Variants in FLACC1 observed in about 807,000 individuals in gnomAD.
FLACC1 encodes the protein flagellum-associated coiled-coil domain-containing protein 1.
In FLACC1, 66 loss-of-function variants were observed where a neutral mutation model predicts 62.8. The observed-to-expected ratio is 1.05, with a 90% confidence interval of 0.86 to 1.29. The LOEUF is 1.29. Among genes scored for constraint, FLACC1 ranks in the 50% most tolerant of loss-of-function variants. The pLI, the probability that FLACC1 is intolerant of heterozygous loss-of-function variation, is 0.00. For synonymous variants in FLACC1, 156 were observed against 161.0 expected, an observed-to-expected ratio of 0.97 and a Z score of 0.24; for missense variants, 452 against 489.1, an observed-to-expected ratio of 0.92 and a Z score of 0.71.
chr2:201,314,570 G>C (rs1950276453), intron 9 of FLACC1, among the ~76,000 whole-genome samples: 1 of 152,174 alleles, frequency 6.6e-6, no homozygotes, highest in African/African-American at 2.4e-5. Context: ...AATAATTGGT[G>C]TTCCTGAGGA....
At chr2:201,314,659 A>G (rs1950277679) in intron 9 of FLACC1, among the ~76,000 whole-genome samples, 1 of 152,162 alleles carries the variant, frequency 6.6e-6, no homozygotes, top group South Asian at 2.1e-4. Flanking sequence ...AGAGACCTAG[A>G]TATCCAAATA....
intron 9 of FLACC1, among the ~76,000 whole-genome samples, chr2:201,328,030 T>C (rs1182381453): frequency 3.3e-5 from 5 of 152,160 alleles, no homozygotes; most frequent in Admixed American, 1.3e-4. Context: ...CTGGAGGCCA[T>C]TATTCTAAAC....
At chr2:201,303,714 C>T (rs1054616384) in intron 11 of FLACC1, among the ~76,000 whole-genome samples, 7 of 152,192 alleles carry the variant, frequency 4.6e-5, no homozygotes, top group African/African-American at 1.7e-4. Flanking sequence ...AGGATCACAT[C>T]AAAGAGCTTA....
At chr2:201,342,483 C>G in intron 6 of FLACC1, 52 bp from the exon 7 acceptor site, 1 of 1,568,824 alleles carries the variant, frequency 6.4e-7, no homozygotes, top group South Asian at 1.1e-5. Context: ...CTGTCCCATT[C>G]TGATCTGCAC....
chr2:201,321,800 T>A (rs913562596), intron 9 of FLACC1, among the ~76,000 whole-genome samples: 1 of 152,080 alleles, frequency 6.6e-6, no homozygotes, highest in Admixed American at 6.6e-5. Context: ...CTCCAACCCT[T>A]ACCCCAGGTA....
chr2:201,291,401 T>C (rs1027246336), intron 12 of FLACC1, among the ~76,000 whole-genome samples: 1 of 152,234 alleles, frequency 6.6e-6, no homozygotes, highest in Non-Finnish European at 1.5e-5. Context: ...CCGCTGCTGA[T>C]ACCCAGGCAA....
At chr2:201,329,943 G>A (rs755550964) in intron 9 of FLACC1, among the ~76,000 whole-genome samples, 13 of 152,106 alleles carry the variant, frequency 8.5e-5, no homozygotes, top group Non-Finnish European at 1.2e-4. Flanking sequence ...ATTCAAAGTG[G>A]TATTATCTGT....
chr2:201,359,656 G>A (rs547161535), upstream of FLACC1, among the ~76,000 whole-genome samples: 12 of 152,250 alleles, frequency 7.9e-5, no homozygotes, highest in East Asian at 2.1e-3. Context: ...CAAAGATTCA[G>A]CAATGTCCTT....
upstream of FLACC1, among the ~76,000 whole-genome samples, chr2:201,358,544 G>A (rs1951153105): frequency 6.7e-6 from 1 of 149,858 alleles, no homozygotes; most frequent in Non-Finnish European, 1.5e-5. Context: ...AGCCTCCCAA[G>A]TAGCTGGGAC....
At chr2:201,309,273 T>C (rs755731798) in intron 9 of FLACC1, 23 bp from the exon 10 acceptor site, 4 of 1,572,294 alleles carry the variant, frequency 2.5e-6, no homozygotes, top group South Asian at 1.1e-5. Flanking sequence ...AAAGGCACCA[T>C]GAAGAAAAGA....
intron 1 of FLACC1, among the ~76,000 whole-genome samples, chr2:201,354,596 G>A (rs12612147): frequency 0.061 from 9,229 of 152,210 alleles, 584 homozygotes; most frequent in East Asian, 0.25. Flanking sequence ...CAGAGAAGCA[G>A]ATGGGATCGA....
intron 7 of FLACC1, among the ~76,000 whole-genome samples, chr2:201,335,600 TA>T (rs1471804876): frequency 2.0e-5 from 3 of 152,198 alleles, no homozygotes; most frequent in Non-Finnish European, 2.9e-5. Context: ...TAGTATCATT[TA>T]AAATCACGTG....
chr2:201,330,595 C>T, intron 8 of FLACC1, 73 bp from the exon 9 acceptor site: 1 of 1,551,108 alleles, frequency 6.4e-7, no homozygotes, highest in Non-Finnish European at 8.9e-7. Flanking sequence ...AATGTGAGTT[C>T]TTCTGCACAC....
intron 7 of FLACC1, among the ~76,000 whole-genome samples, chr2:201,340,832 G>T (rs928280696): frequency 5.3e-5 from 8 of 152,112 alleles, no homozygotes; most frequent in African/African-American, 1.9e-4. Flanking sequence ...TTTTGTTTGG[G>T]AAAGTTTCTA....
chr2:201,329,709 C>T (rs898112423), intron 9 of FLACC1, among the ~76,000 whole-genome samples: 5 of 152,132 alleles, frequency 3.3e-5, no homozygotes, highest in African/African-American at 7.2e-5. Context: ...CCAAGTGCCA[C>T]GTGTTCTTGT....
intron 12 of FLACC1, among the ~76,000 whole-genome samples, chr2:201,291,358 T>A (rs1040565972): frequency 6.6e-6 from 1 of 152,218 alleles, no homozygotes; most frequent in African/African-American, 2.4e-5. Context: ...CAGCAACATT[T>A]GCTGTTCACC....
intron 5 of FLACC1, among the ~76,000 whole-genome samples, 155 bp from the exon 6 acceptor site, chr2:201,344,418 G>A (rs1427413999): frequency 1.3e-5 from 2 of 152,126 alleles, no homozygotes; most frequent in Non-Finnish European, 2.9e-5. Context: ...GGGGGTGGAG[G>A]GATAGGGGTG....
intron 4 of FLACC1, among the ~76,000 whole-genome samples, chr2:201,347,262 C>T (rs1384402990): frequency 6.6e-6 from 1 of 152,238 alleles, no homozygotes; most frequent in East Asian, 1.9e-4. Context: ...GGCTGGGGCT[C>T]TGAGAGCTGC....
At chr2:201,349,732 A>C (rs965689669) in intron 3 of FLACC1, among the ~76,000 whole-genome samples, 1 of 152,272 alleles carries the variant, frequency 6.6e-6, no homozygotes, top group Non-Finnish European at 1.5e-5. Context: ...AGAAAATCTT[A>C]GACACAGGAC....
Sources: allele counts gnomAD v4.1 joint callset (sites outside exome capture counted in the v4.1 genomes callset), GRCh38; gene constraint gnomAD v4.1.1; transcripts MANE v1.5; gene names NCBI Gene and HGNC (gene_info 2026-07-23, HGNC 2026-07-21).